TAF12: variants seen among roughly 807,000 people sequenced by gnomAD.
The protein encoded by TAF12 is transcription initiation factor TFIID subunit 12.
A neutral mutation model predicts 20.8 loss-of-function variants in TAF12; 3 were observed. The ratio of observed to expected loss-of-function variants is 0.14; its 90% CI spans 0.07 to 0.37. The LOEUF (loss-of-function observed/expected upper bound fraction) is 0.37, where lower values mean the gene tolerates loss of function less well. Ranked by LOEUF, TAF12 falls within the 10% of genes least tolerant of loss-of-function variation. The pLI is 1.00. For synonymous variants in TAF12, 69 were observed against 70.2 expected (o/e 0.98, Z 0.09); for missense variants, 131 against 197.9 (o/e 0.66, Z 2.03).
At chr1:28,622,236 G>C in intron 1 of TAF12, 71 bp from the exon 2 acceptor site, 1 of 1,366,958 alleles carries the variant, frequency 7.3e-7, no homozygotes, top group Non-Finnish European at 9.4e-7. Context: ...AGAGTAAAAA[G>C]AGGCCTGGTG....
At chr1:28,627,809 T>C (rs537043111) in intron 1 of TAF12, among the ~76,000 whole-genome samples, 9 of 152,234 alleles carry the variant, frequency 5.9e-5, no homozygotes, top group Non-Finnish European at 1.2e-4. Flanking sequence ...TTCTGAATTT[T>C]AAATAATTCT....
chr1:28,620,728 C>T (rs1317461764), intron 2 of TAF12, among the ~76,000 whole-genome samples: 7 of 152,250 alleles, frequency 4.6e-5, no homozygotes, highest in African/African-American at 1.4e-4. Context: ...CCACCATGCC[C>T]GGCCGAACCC....
chr1:28,609,518 G>C (rs1666783247), intron 4 of TAF12, among the ~76,000 whole-genome samples: 1 of 148,032 alleles, frequency 6.8e-6, no homozygotes, highest in African/African-American at 2.5e-5. Flanking sequence ...ATGGGCTACT[G>C]CTCTGTCGCC....
At chr1:28,643,839 CAA>C, upstream of TAF12, among the ~76,000 whole-genome samples, 1 of 152,024 alleles carries the variant, frequency 6.6e-6, no homozygotes, top group Non-Finnish European at 1.5e-5. Flanking sequence ...ATCACGAGGT[CAA>C]GAGTTCAAGA....
intron 1 of TAF12, among the ~76,000 whole-genome samples, chr1:28,631,738 C>T (rs1483810135): frequency 1.3e-5 from 2 of 151,996 alleles, no homozygotes; most frequent in Admixed American, 6.6e-5. Context: ...CAAATAGGCA[C>T]ATGAAAAGAT....
intron 1 of TAF12, among the ~76,000 whole-genome samples, chr1:28,624,793 T>G: frequency 6.6e-6 from 1 of 151,348 alleles, no homozygotes; most frequent in Non-Finnish European, 1.5e-5. Flanking sequence ...TAAGAAGAAA[T>G]CATGTTCTCC....
At chr1:28,637,914 G>A (rs1667892498) in intron 1 of TAF12, among the ~76,000 whole-genome samples, 1 of 152,134 alleles carries the variant, frequency 6.6e-6, no homozygotes, top group South Asian at 2.1e-4. Context: ...ACTTCGGGAG[G>A]CAGATGTAGG....
chr1:28,628,081 C>T (rs1570323497), intron 1 of TAF12, among the ~76,000 whole-genome samples: 1 of 151,996 alleles, frequency 6.6e-6, no homozygotes, highest in East Asian at 1.9e-4. Context: ...ACTCAAACAC[C>T]CCTCCAGCTT....
rs570201057 is a variant in TAF12, at chr1:28,606,249, G to A, written c.362-789C>T. 2.0e-5 allele frequency among the ~76,000 whole-genome samples: 3 copies of A among 152,064 alleles called. No homozygotes were observed. In the South Asian group the frequency reaches 6.2e-4, roughly 32 times the overall value. Reference sequence around the variant, plus strand: ...CCTGACCTCGTGATCCACCCACCTCGAACTCCCAAAGTTCTAGGATTACAG... The same window carrying A: ...CCTGACCTCGTGATCCACCCACCTCAAACTCCCAAAGTTCTAGGATTACAG... On this transcript the variant is annotated intron_variant, in intron 4 of 5. Coordinates refer to ENST00000373824, the MANE Select transcript of TAF12 (RefSeq NM_005644.4).
At chr1:28,630,537 G>A (rs1297986026) in intron 1 of TAF12, among the ~76,000 whole-genome samples, 3 of 151,182 alleles carry the variant, frequency 2.0e-5, no homozygotes, top group African/African-American at 7.4e-5. Flanking sequence ...AGGTGACAGA[G>A]TGAGACGCTG....
intron 2 of TAF12, 21 bp from the exon 3 acceptor site, chr1:28,618,051 A>C (rs1667097412): frequency 2.5e-6 from 4 of 1,595,356 alleles, no homozygotes; most frequent in Non-Finnish European, 3.4e-6. Flanking sequence ...TTGGAAGAAG[A>C]CTTTTCAACC....
chr1:28,615,269 T>C (rs1468568356), intron 3 of TAF12, among the ~76,000 whole-genome samples: 2 of 152,078 alleles, frequency 1.3e-5, no homozygotes, highest in African/African-American at 4.8e-5. Context: ...CATTAACTCA[T>C]TGTCATCTTT....
intron 5 of TAF12, among the ~76,000 whole-genome samples, chr1:28,604,819 T>G (rs188469456): frequency 6.6e-6 from 1 of 152,322 alleles, no homozygotes; most frequent in East Asian, 1.9e-4. Context: ...GCTGTTGGAC[T>G]GACCAAAGAT....
At chr1:28,622,978 G>T (rs959006875) in intron 1 of TAF12, among the ~76,000 whole-genome samples, 1 of 151,300 alleles carries the variant, frequency 6.6e-6, no homozygotes, top group Non-Finnish European at 1.5e-5. Flanking sequence ...AGTGAGCCGA[G>T]ATCACGCCAC....
At chr1:28,619,848 G>A (rs1261640403) in intron 2 of TAF12, among the ~76,000 whole-genome samples, 2 of 151,592 alleles carry the variant, frequency 1.3e-5, no homozygotes, top group African/African-American at 4.8e-5. Context: ...TATTAGGGAG[G>A]CTGAGGCAGG....
At chr1:28,619,370 C>T (rs1340947402) in intron 2 of TAF12, among the ~76,000 whole-genome samples, 4 of 148,544 alleles carry the variant, frequency 2.7e-5, no homozygotes, top group Non-Finnish European at 4.5e-5. Context: ...TGGTGGCGGG[C>T]GCCTGTAGTC....
At chr1:28,615,890 C>A (rs1379677830) in intron 3 of TAF12, among the ~76,000 whole-genome samples, 1 of 152,034 alleles carries the variant, frequency 6.6e-6, no homozygotes, top group African/African-American at 2.4e-5. Flanking sequence ...GAACCGAGAC[C>A]AGCTCATAAA....
At chr1:28,609,575 C>T (rs1454466957) in intron 4 of TAF12, among the ~76,000 whole-genome samples, 1 of 151,892 alleles carries the variant, frequency 6.6e-6, no homozygotes, top group Non-Finnish European at 1.5e-5. Context: ...CAACCTCTGC[C>T]TCCTGGATTC....
At chr1:28,634,775 C>T (rs891031825) in intron 1 of TAF12, among the ~76,000 whole-genome samples, 3 of 151,716 alleles carry the variant, frequency 2.0e-5, no homozygotes, top group Admixed American at 6.6e-5. Flanking sequence ...ACTAAAAATA[C>T]AAAATTAGCC....
Sources: allele counts gnomAD v4.1 joint callset (sites outside exome capture counted in the v4.1 genomes callset), GRCh38; gene constraint gnomAD v4.1.1; transcripts MANE v1.5; gene names NCBI Gene and HGNC (gene_info 2026-07-23, HGNC 2026-07-21).